Variants in ST3GAL2 observed in about 807,000 individuals in gnomAD.
ST3GAL2 encodes CMP-N-acetylneuraminate-beta-galactosamide-alpha-2,3-sialyltransferase 2.
ST3GAL2 carries 16 observed loss-of-function variants against 37.5 expected under a neutral mutation model. The ratio of observed to expected loss-of-function variants is 0.43; its 90% CI spans 0.29 to 0.65. ST3GAL2 has a LOEUF of 0.65. Ranked by LOEUF, ST3GAL2 falls within the 30% of genes least tolerant of loss-of-function variation. The pLI is 0.17. For missense variants in ST3GAL2, 383 were observed against 487.8 expected, an observed-to-expected ratio of 0.79 and a Z score of 2.02; for synonymous variants, 238 against 202.9, an observed-to-expected ratio of 1.17 and a Z score of -1.47.
intron 1 of ST3GAL2, chr16:70,422,956 C>T (rs1385653094): frequency 1.3e-5 from 2 of 152,220 alleles, no homozygotes; most frequent in African/African-American, 2.4e-5. Flanking sequence ...GAAACTGGCA[C>T]CACTGTCCTG....
At position 70,398,870 on chromosome 16, in the gene ST3GAL2, T is replaced by G; in HGVS notation, c.-340A>C. The stretch of plus-strand genomic sequence containing the variant: ...TTGCAGCCCTCTAGTCCCTTGGGAT[T>G]GCTGGCTGCCAGCTCTAGGGGTCCC... On this transcript the variant is annotated 5_prime_UTR_variant, in exon 2 of 7. Transcript: ENST00000342907. 1 of 473,908 alleles carries G rather than the reference T, an allele frequency of 2.1e-6. No homozygotes were observed. Among genetic ancestry groups the G allele is most frequent in the South Asian group, 5.4e-5 (1 of 18,570 alleles). 29.4% of individuals were successfully genotyped at this position (473,908 alleles called of 1,614,324 possible).
rs111353459 is a variant in ST3GAL2, at chr16:70,408,208, T to C, written c.-1003-8675A>G. 1.0e-3 allele frequency among the ~76,000 whole-genome samples: 153 copies of C among 152,266 alleles called. 1 individual carries two copies. The highest frequency in any genetic ancestry group is 3.4e-3 in the Middle Eastern group (1 of 294). On this transcript the variant is annotated intron_variant, in intron 1 of 6. Coordinates refer to ENST00000342907, the MANE Select transcript of ST3GAL2 (RefSeq NM_006927.4). ...CGGAAGTGAAGATGCTTTAACGCCATGCCAGGTCTGATGACTTCAAGCCCA... is the reference window on the plus strand; with the variant it reads ...CGGAAGTGAAGATGCTTTAACGCCACGCCAGGTCTGATGACTTCAAGCCCA...
At chr16:70,429,617 C>A (rs1192628114) in intron 1 of ST3GAL2, among the ~76,000 whole-genome samples, 4 of 141,654 alleles carry the variant, frequency 2.8e-5, no homozygotes, top group African/African-American at 1.1e-4. Context: ...AAGAGTGAAT[C>A]CCTGAGCAGG....
chr16:70,414,271 C>G (rs936990489), intron 1 of ST3GAL2, among the ~76,000 whole-genome samples: 1 of 152,140 alleles, frequency 6.6e-6, no homozygotes, highest in Admixed American at 6.6e-5. Flanking sequence ...CTGAGATACC[C>G]TGGGGTCAAC....
Position 70,388,502 on chromosome 16 carries a change from C to T in ST3GAL2, c.578G>A (p.Ser193Asn), listed in dbSNP as rs754309990. 2.5e-6 allele frequency: 4 copies of T among 1,612,490 alleles called. No individual in the cohort carries two copies. The East Asian group carries it at 8.9e-5, about 36-fold the overall frequency. ...PTVGFEQDVG[S>N]RTTHHFMYPE... ...GTACATGAAATGGTGGGTGGTTCGG[C>T]TGCCAACATCCTGCTCAAAGCCCAC... The change falls in exon 4 of 7, where the codon AGC (serine) becomes AAC (asparagine). Residue 193 changes from serine to asparagine, a missense_variant. Ser to Asn is a conservative substitution (Grantham distance 46). This residue lies in a region of ST3GAL2 where 160 missense variants were observed against 248.6 expected (regional missense o/e 0.64). Coordinates refer to ENST00000342907, the MANE Select transcript of ST3GAL2 (RefSeq NM_006927.4).
intron 1 of ST3GAL2, among the ~76,000 whole-genome samples, chr16:70,412,776 G>A (rs1194748288): frequency 6.6e-6 from 1 of 152,136 alleles, no homozygotes; most frequent in East Asian, 1.9e-4. Context: ...GCTGGGCATG[G>A]TGGCTCATAC....
chr16:70,397,510 G>A lies in ST3GAL2; in HGVS notation c.339+682C>T, dbSNP rs184109124. ...AAGCTGAGGCGGGCAGATCATCTGA[G>A]GTCAGGAGTTTGAGATCAGCCTGGC... On this transcript the variant is annotated intron_variant, in intron 2 of 6. Transcript: ENST00000342907. 3.1e-3 allele frequency among the ~76,000 whole-genome samples: 474 copies of A among 152,010 alleles called. 10 individuals carry two copies. Among genetic ancestry groups the A allele is most frequent in the East Asian group, 0.024 (122 of 5,090 alleles).
At chr16:70,387,973 G>C (rs188386116) in intron 4 of ST3GAL2, among the ~76,000 whole-genome samples, 2 of 151,878 alleles carry the variant, frequency 1.3e-5, no homozygotes, top group East Asian at 1.9e-4. Flanking sequence ...TTAGCCGGGC[G>C]TGGTGGTGCA....
intron 1 of ST3GAL2, among the ~76,000 whole-genome samples, chr16:70,416,452 G>A (rs1056112412): frequency 1.3e-5 from 2 of 152,140 alleles, no homozygotes; most frequent in Admixed American, 6.5e-5. Context: ...AGAACTCTCA[G>A]GGTACAGAGA....
chr16:70,416,819 A>C (rs1317269220), intron 1 of ST3GAL2, among the ~76,000 whole-genome samples: 1 of 152,048 alleles, frequency 6.6e-6, no homozygotes, highest in Non-Finnish European at 1.5e-5. Flanking sequence ...GTAAAGCTGA[A>C]GCAGGTGCCT....
In ST3GAL2 at chr16:70,399,004, C is replaced by A. The variant is rs2047537169; in HGVS notation, c.-474G>T. On this transcript the variant is annotated 5_prime_UTR_variant, in exon 2 of 7. Transcript: ENST00000342907. Reference sequence around the variant, plus strand: ...TCCCGGCAGCGGGGAAGCCCTAGAACTCCAATCACAACAGAGAGCACAGGG... The same window carrying A: ...TCCCGGCAGCGGGGAAGCCCTAGAAATCCAATCACAACAGAGAGCACAGGG... 1 of 415,254 alleles carries A rather than the reference C, an allele frequency of 2.4e-6. No homozygotes were observed. Among genetic ancestry groups the A allele is most frequent in the African/African-American group, 2.0e-5 (1 of 49,026 alleles). 25.7% of individuals were successfully genotyped at this position (415,254 alleles called of 1,614,324 possible).
chr16:70,381,978 C>T (rs2047409314), intron 6 of ST3GAL2, 116 bp from the exon 7 acceptor site: 1 of 1,379,302 alleles, frequency 7.3e-7, no homozygotes, highest in Admixed American at 2.0e-5. Flanking sequence ...ATGCAGGAGC[C>T]CCCAGGCCTG....
chr16:70,435,066 C>G (rs556546806), intron 1 of ST3GAL2, among the ~76,000 whole-genome samples: 1 of 152,176 alleles, frequency 6.6e-6, no homozygotes, highest in East Asian at 1.9e-4. Context: ...ACAGGCCAGA[C>G]GAGGGCCCGG....
At chr16:70,436,325 C>T (rs1008052926) in intron 1 of ST3GAL2, among the ~76,000 whole-genome samples, 2 of 151,780 alleles carry the variant, frequency 1.3e-5, no homozygotes, top group Non-Finnish European at 2.9e-5. Flanking sequence ...GTTCCTGTCA[C>T]CCCAGGAAGG....
intron 1 of ST3GAL2, among the ~76,000 whole-genome samples, chr16:70,401,994 C>CAAAAAAA (rs749422742): frequency 3.3e-5 from 2 of 60,192 alleles, no homozygotes; most frequent in African/African-American, 7.1e-5. Flanking sequence ...AACTCTGCCT[C>CAAAAAAA]AAAAAAAAAA....
intron 4 of ST3GAL2, among the ~76,000 whole-genome samples, chr16:70,385,026 C>G (rs146966583): frequency 6.6e-6 from 1 of 151,884 alleles, no homozygotes; most frequent in African/African-American, 2.4e-5. Flanking sequence ...AACAAACAGG[C>G]CGGGTGCGGT....
chr16:70,417,921 G>T (rs2047686857), intron 1 of ST3GAL2, among the ~76,000 whole-genome samples: 1 of 152,148 alleles, frequency 6.6e-6, no homozygotes, highest in Non-Finnish European at 1.5e-5. Context: ...AAGGGACTAA[G>T]GTGCTGACAG....
At chr16:70,406,776 G>C (rs1054239966) in intron 1 of ST3GAL2, among the ~76,000 whole-genome samples, 1 of 150,808 alleles carries the variant, frequency 6.6e-6, no homozygotes, top group East Asian at 1.9e-4. Context: ...GTGAGACTCT[G>C]TCTCAAAAAA....
Position 70,392,391 on chromosome 16 carries a change from T to C in ST3GAL2, c.533+2591A>G, listed in dbSNP as rs543385275. ...GGGAACACAGCATTCTAGAAATCTA[T>C]CTGTCCTTGGCTGCCTCCAGCAGCT... is the stretch of plus-strand genomic sequence containing the variant. On this transcript the variant is annotated intron_variant, in intron 3 of 6. Coordinates refer to ENST00000342907, the MANE Select transcript of ST3GAL2 (RefSeq NM_006927.4). Among the ~76,000 whole-genome samples, 9 of 152,272 alleles carry C rather than the reference T, an allele frequency of 5.9e-5. No homozygotes were observed. The South Asian group carries it at 1.7e-3, about 28-fold the overall frequency.
Sources: allele counts gnomAD v4.1 joint callset (sites outside exome capture counted in the v4.1 genomes callset), GRCh38; gene constraint gnomAD v4.1.1; regional missense constraint gnomAD v4.1.1; transcripts MANE v1.5; gene names NCBI Gene and HGNC (gene_info 2026-07-23, HGNC 2026-07-21).